The following RPTOR variants were observed in gnomAD, a reference collection of about 807,000 sequenced individuals.
RPTOR encodes regulatory-associated protein of mTOR.
Under a neutral mutation model 169.9 loss-of-function variants are expected in RPTOR, and 21 were observed. The ratio of observed to expected loss-of-function variants is 0.12; its 90% confidence interval spans 0.09 to 0.18. The LOEUF (loss-of-function observed/expected upper bound fraction) is 0.18, where lower values mean the gene tolerates loss of function less well. Among genes scored for constraint, RPTOR ranks in the 10% least tolerant of loss-of-function variants. The pLI is 1.00. For missense variants in RPTOR, 1,133 were observed against 1,855.9 expected (o/e 0.61, Z 7.16); for synonymous variants, 732 against 753.2 (o/e 0.97, Z 0.46).
In RPTOR at chr17:80,767,405, T is replaced by A. The variant is rs78537930; in HGVS notation, c.830+13220T>A. On this transcript the variant is annotated intron_variant, in intron 6 of 33. Coordinates refer to ENST00000306801, the MANE Select transcript of RPTOR (RefSeq NM_020761.3). ...AAATTATAAGTAAATAAAAGGAGAA[T>A]AAGGGAATCATTTTAATCATGAAGG... is the stretch of plus-strand genomic sequence containing the variant. Among the ~76,000 whole-genome samples, 1,279 of 151,520 alleles carry A rather than the reference T, an allele frequency of 8.4e-3. 14 individuals carry two copies. Among genetic ancestry groups the A allele is most frequent in the African/African-American group, 0.03 (1,218 of 40,874 alleles).
chr17:80,845,670 A>C lies in RPTOR; in HGVS notation c.1213-803A>C, dbSNP rs2067721090. 6.7e-6 allele frequency among the ~76,000 whole-genome samples: 1 copy of C among 149,176 alleles called. No individual in the cohort carries two copies. The highest frequency in any genetic ancestry group is 1.5e-5 in the Non-Finnish European group (1 of 67,404). ...TCTTTCTCACCAGCGTCCTGTCCCC[A>C]TTACTCCACATCTACAAAAAGCACT... On this transcript the variant is annotated intron_variant, in intron 10 of 33. Coordinates refer to ENST00000306801, the MANE Select transcript of RPTOR (RefSeq NM_020761.3). The surrounding 1 kb of genome is among the most constrained non-coding windows in gnomAD (Gnocchi z 5.4).
At chr17:80,798,226 C>G (rs2067120300) in intron 7 of RPTOR, among the ~76,000 whole-genome samples, 1 of 152,176 alleles carries the variant, frequency 6.6e-6, no homozygotes, top group Non-Finnish European at 1.5e-5. Context: ...CTGTAACCAA[C>G]TTCCCTCCTT....
chr17:80,726,028 G>T lies in RPTOR; in HGVS notation c.508-4532G>T, dbSNP rs2066330166. 6.6e-6 allele frequency among the ~76,000 whole-genome samples: 1 copy of T among 152,212 alleles called. No individual in the cohort carries two copies. The highest frequency in any genetic ancestry group is 1.5e-5 in the Non-Finnish European group (1 of 68,036). On this transcript the variant is annotated intron_variant, in intron 4 of 33. Transcript: ENST00000306801. This position sits in a 1 kb window ranked among gnomAD's most constrained non-coding sequence, Gnocchi z 4.5. ...TGGCTGGGTGGTGCTGCGGAAGATT[G>T]TGTGGTGCACAGGGCAGCCCCACAA... is the stretch of plus-strand genomic sequence containing the variant.
intron 5 of RPTOR, among the ~76,000 whole-genome samples, chr17:80,734,836 A>G (rs769422065): frequency 1.9e-4 from 29 of 152,208 alleles, no homozygotes; most frequent in Non-Finnish European, 3.1e-4. Flanking sequence ...TGTACTGGAC[A>G]TGTACACTTC....
intron 7 of RPTOR, among the ~76,000 whole-genome samples, chr17:80,814,908 C>T (rs1218927377): frequency 1.3e-5 from 2 of 152,078 alleles, no homozygotes; most frequent in African/African-American, 4.8e-5. Context: ...GGGGAGTGTC[C>T]TGAGAGGAGG....
chr17:80,852,726 C>T (rs760887193), intron 11 of RPTOR, among the ~76,000 whole-genome samples: 1 of 152,058 alleles, frequency 6.6e-6, no homozygotes, highest in African/African-American at 2.4e-5. Context: ...CCCCCTCATC[C>T]TCCTGCCAGT....
At position 80,844,623 on chromosome 17, in the gene RPTOR, G is replaced by T. The variant is rs1483558932; in HGVS notation, c.1213-1850G>T. ...TCCAAGTGTGATTAACTTTCTGTAA[G>T]CTGGCTGCACAGGAGCACGGATTCC... On this transcript the variant is annotated intron_variant, in intron 10 of 33. Transcript: ENST00000306801. The surrounding 1 kb of genome is among the most constrained non-coding windows in gnomAD (Gnocchi z 4.7). Among the ~76,000 whole-genome samples, 1 of 152,242 alleles carries T rather than the reference G, an allele frequency of 6.6e-6. No homozygotes were observed. Among genetic ancestry groups the T allele is most frequent in the African/African-American group, 2.4e-5 (1 of 41,472 alleles).
At position 80,639,938 on chromosome 17, in the gene RPTOR, C is replaced by T. The variant is rs1426141722; in HGVS notation, c.266-3790C>T. Among the ~76,000 whole-genome samples, 6 of 152,356 alleles carry T rather than the reference C, an allele frequency of 3.9e-5. No homozygotes were observed. In the East Asian group the frequency reaches 5.8e-4, roughly 15 times the overall value. ...GCCAGCACTATCAATAACCTTGGAG[C>T]AAGTCATTTGACTGCTTTAAACTTC... is the stretch of plus-strand genomic sequence containing the variant. On this transcript the variant is annotated intron_variant, in intron 2 of 33. Coordinates refer to ENST00000306801, the MANE Select transcript of RPTOR (RefSeq NM_020761.3).
chr17:80,899,278 T>C (rs1319834739), intron 20 of RPTOR, among the ~76,000 whole-genome samples: 1 of 152,256 alleles, frequency 6.6e-6, no homozygotes, highest in Non-Finnish European at 1.5e-5. Flanking sequence ...TGTTTTGAAC[T>C]GGAATACACT....
At chr17:80,745,299 G>A (rs36075755) in intron 5 of RPTOR, among the ~76,000 whole-genome samples, 8,906 of 152,162 alleles carry the variant, frequency 0.059, 376 homozygotes, top group Non-Finnish European at 0.093. Context: ...GGGGGAACTC[G>A]GGGTAACTGT....
chr17:80,560,149 AG>A (rs1406429644), intron 1 of RPTOR, among the ~76,000 whole-genome samples: 1 of 152,192 alleles, frequency 6.6e-6, no homozygotes. Flanking sequence ...TTGAGTAACA[AG>A]GTAGCGATTT....
At chr17:80,956,852 G>A (rs961936078) in intron 28 of RPTOR, among the ~76,000 whole-genome samples, 3 of 152,056 alleles carry the variant, frequency 2.0e-5, no homozygotes, top group Admixed American at 6.5e-5. Flanking sequence ...TTCCTGGAAG[G>A]CTCTGCTCCG....
At position 80,575,676 on chromosome 17, in the gene RPTOR, T is replaced by C. The variant is rs140936528; in HGVS notation, c.162+29885T>C. Among the ~76,000 whole-genome samples the C allele has an allele frequency of 3.3e-5, 5 of 152,364 alleles. No homozygotes were observed. The East Asian group carries it at 9.6e-4, about 29-fold the overall frequency. On this transcript the variant is annotated intron_variant, in intron 1 of 33. Coordinates refer to ENST00000306801, the MANE Select transcript of RPTOR (RefSeq NM_020761.3). Reference sequence around the variant, plus strand: ...ATGTTCCCTGTGTACTTGAACACGATGCGTGTCTACAGCTGTTGGTGCCAC... The same window carrying C: ...ATGTTCCCTGTGTACTTGAACACGACGCGTGTCTACAGCTGTTGGTGCCAC...
At chr17:80,606,350 C>G (rs965040871) in intron 1 of RPTOR, among the ~76,000 whole-genome samples, 3 of 147,084 alleles carry the variant, frequency 2.0e-5, no homozygotes, top group African/African-American at 7.6e-5. Flanking sequence ...TTCTGAGACT[C>G]CAGGAGTGGT....
intron 6 of RPTOR, among the ~76,000 whole-genome samples, chr17:80,755,263 G>A (rs2066668917): frequency 6.6e-6 from 1 of 152,200 alleles, no homozygotes; most frequent in Non-Finnish European, 1.5e-5. Flanking sequence ...TCCATTCAGG[G>A]AGAGACCTCC....
intron 6 of RPTOR, among the ~76,000 whole-genome samples, chr17:80,769,576 T>C (rs2066821504): frequency 6.6e-6 from 1 of 151,936 alleles, no homozygotes; most frequent in Non-Finnish European, 1.5e-5. Flanking sequence ...CAGGGAGAGG[T>C]GCTCCCTCTC....
Position 80,925,401 on chromosome 17 carries a change from A to G in RPTOR, c.2840A>G (p.His947Arg). ...TADDADDAAG[H>R]KSFISATVQT... ...GACGACGCGGACGATGCTGCTGGACACAAAAGTTTCATCTCCGCCACGGTG... is the reference window on the plus strand; with the variant it reads ...GACGACGCGGACGATGCTGCTGGACGCAAAAGTTTCATCTCCGCCACGGTG... The change falls in exon 24 of 34, where the codon CAC (histidine) becomes CGC (arginine). Residue 947 changes from histidine to arginine, a missense_variant. By Grantham distance (29) the His-to-Arg change is conservative. Around this residue, in one of 9 missense-constraint regions of RPTOR, gnomAD observed 410 missense variants for 623.7 expected, o/e 0.66. Transcript: ENST00000306801. The G allele has an allele frequency of 6.2e-7, 1 of 1,613,760 alleles. No homozygotes were observed. Among genetic ancestry groups the G allele is most frequent in the Non-Finnish European group, 8.5e-7 (1 of 1,180,036 alleles).
rs2067178547 is a variant in RPTOR at position 80,803,040 on chromosome 17, G to A, written c.890+11531G>A. On this transcript the variant is annotated intron_variant, in intron 7 of 33. Transcript: ENST00000306801. This position sits in a 1 kb window ranked among gnomAD's most constrained non-coding sequence, Gnocchi z 6.2. ...GGCCCTTCGGTTCCTCACAACCCCT[G>A]GTTCTGGTGGGGTGCCTGGAGTGCC... 1 of 152,490 alleles carries A rather than the reference G, an allele frequency of 6.6e-6. No individual in the cohort carries two copies. Among genetic ancestry groups the A allele is most frequent in the Non-Finnish European group, 1.5e-5 (1 of 68,258 alleles). The allele number at this position is 152,490 out of a possible 1,614,324, so 9.4% of individuals were successfully genotyped here. A position where few individuals can be genotyped will look rare whatever the true frequency, so the allele number is the denominator to read the frequency against.
rs2067410491 is a variant in RPTOR at position 80,823,877 on chromosome 17, A to C, written c.1136+654A>C. ...AACAAGCAGGTTTGGGCAAATTCTA[A>C]AATGGTATTAAAACAAAGGAAAAAT... is the stretch of plus-strand genomic sequence containing the variant. On this transcript the variant is annotated intron_variant, in intron 9 of 33. Coordinates refer to ENST00000306801, the MANE Select transcript of RPTOR (RefSeq NM_020761.3). This position sits in a 1 kb window ranked among gnomAD's most constrained non-coding sequence, Gnocchi z 4.5. Among the ~76,000 whole-genome samples, 2 of 152,212 alleles carry C rather than the reference A, an allele frequency of 1.3e-5. No individual in the cohort carries two copies. The highest frequency in any genetic ancestry group is 4.1e-4 in the South Asian group (2 of 4,834).
Sources: gnomAD v4.1 joint callset for allele counts (sites outside exome capture counted in the v4.1 genomes callset) on GRCh38, gnomAD v4.1.1 for gene constraint, gnomAD v4.1.1 regional missense constraint, Gnocchi (gnomAD v3.1) non-coding constraint, MANE v1.5 for transcripts, NCBI Gene and HGNC (gene_info 2026-07-23, HGNC 2026-07-21) for gene names.